Variants in DEAF1 observed in about 807,000 individuals in gnomAD.
DEAF1 encodes the protein DEAF1 transcription factor, also known as deformed epidermal autoregulatory factor 1 homolog.
DEAF1 carries 53 observed loss-of-function variants against 58.9 expected under a neutral mutation model. That is an observed-to-expected ratio of 0.90 (90% confidence interval 0.72 to 1.13). The LOEUF (loss-of-function observed/expected upper bound fraction) is 1.13. Ranked by LOEUF, DEAF1 falls within the 50% of genes most tolerant of loss-of-function variation. The pLI is 0.00. For missense variants in DEAF1, 685 were observed against 791.4 expected, an observed-to-expected ratio of 0.87 and a Z score of 1.61; for synonymous variants, 385 against 340.4, an observed-to-expected ratio of 1.13 and a Z score of -1.44.
chr11:696,591 C>G (rs1192200808), upstream of DEAF1, among the ~76,000 whole-genome samples: 1 of 151,826 alleles, frequency 6.6e-6, no homozygotes, highest in Non-Finnish European at 1.5e-5. Context: ...ATAGCAAGAC[C>G]CCCTCTATAA....
rs762149578 is a variant in DEAF1, at chr11:688,317, A to C, written c.517+14T>G. The stretch of plus-strand genomic sequence containing the variant: ...GTGTTTTGCCCGAGGCCTGGGGTGC[A>C]GGCACCGCTGTACCTGGGGTGAGGG... On this transcript the variant is annotated intron_variant, in intron 3 of 11. Coordinates refer to ENST00000382409, the MANE Select transcript of DEAF1 (RefSeq NM_021008.4). This position sits in a 1 kb window ranked among gnomAD's most constrained non-coding sequence, Gnocchi z 4.3. The C allele has an allele frequency of 6.2e-7, 1 of 1,612,304 alleles. No individual in the cohort carries two copies. The highest frequency in any genetic ancestry group is 2.2e-5 in the East Asian group (1 of 44,860).
At position 644,889 on chromosome 11, in the gene DEAF1, A is replaced by G. The variant is rs1564918645; in HGVS notation, c.1594-235T>C. ...TCAAAAGGCAAACAACAGGCAGGGC[A>G]CGGTGGCTCACGCCTGTAATCCCAA... On this transcript the variant is annotated intron_variant, in intron 11 of 11. Transcript: ENST00000382409. This position sits in a 1 kb window ranked among gnomAD's most constrained non-coding sequence, Gnocchi z 4.3. Among the ~76,000 whole-genome samples the G allele has an allele frequency of 6.6e-6, 1 of 152,204 alleles. No individual in the cohort carries two copies. The highest frequency in any genetic ancestry group is 1.5e-5 in the Non-Finnish European group (1 of 68,032).
At chr11:674,130 G>T (rs1339889288) in intron 10 of DEAF1, 2 of 297,560 alleles carry the variant, frequency 6.7e-6, no homozygotes, top group Admixed American at 4.6e-5. Context: ...TCGGCTCCCA[G>T]GAAGGGGCTC....
chr11:668,066 T>C (rs6598000), intron 10 of DEAF1, among the ~76,000 whole-genome samples: 35,707 of 151,614 alleles, frequency 0.24, 6,580 homozygotes, highest in African/African-American at 0.52. Context: ...GAGCGGAGAT[T>C]GTGCCACTGC....
chr11:647,466 C>A (rs528691424), intron 11 of DEAF1, among the ~76,000 whole-genome samples: 5 of 152,012 alleles, frequency 3.3e-5, no homozygotes, highest in African/African-American at 1.2e-4. Context: ...AAAACAGAAA[C>A]AAAACCAAAA....
At chr11:682,980 C>T (rs555466839) in intron 6 of DEAF1, among the ~76,000 whole-genome samples, 3 of 152,126 alleles carry the variant, frequency 2.0e-5, no homozygotes, top group Non-Finnish European at 4.4e-5. Context: ...CCATAGGGAG[C>T]TGGGGGCAGA....
Position 648,148 on chromosome 11 carries a change from T to C in DEAF1, c.1594-3494A>G, listed in dbSNP as rs115909063. On this transcript the variant is annotated intron_variant, in intron 11 of 11. Coordinates refer to ENST00000382409, the MANE Select transcript of DEAF1 (RefSeq NM_021008.4). Reference sequence around the variant, plus strand: ...ACATGCATAAACTCGTGTATACTTTTGTGTACATACCAAGTCCTCTACAAT... The same window carrying C: ...ACATGCATAAACTCGTGTATACTTTCGTGTACATACCAAGTCCTCTACAAT... Among the ~76,000 whole-genome samples the C allele has an allele frequency of 9.5e-3, 1,442 of 151,784 alleles. 15 individuals carry two copies. Among genetic ancestry groups the C allele is most frequent in the African/African-American group, 0.032 (1,320 of 41,276 alleles).
intron 7 of DEAF1, 82 bp downstream of exon 7, chr11:680,881 A>G: frequency 3.8e-6 from 6 of 1,582,050 alleles, no homozygotes; most frequent in East Asian, 4.5e-5. Context: ...AGAATCCCGC[A>G]GTGGCCGTGG....
In DEAF1 at chr11:694,099, G is replaced by A. The variant is rs547435217; in HGVS notation, c.289+660C>T. Among the ~76,000 whole-genome samples, 6 of 152,286 alleles carry A rather than the reference G, an allele frequency of 3.9e-5. No homozygotes were observed. The South Asian group carries it at 1.0e-3, about 26-fold the overall frequency. On this transcript the variant is annotated intron_variant, in intron 1 of 11. Transcript: ENST00000382409. The stretch of plus-strand genomic sequence containing the variant: ...AAGTGGGGGGTTCCTGGTGACCACA[G>A]GTGCCCACCCACCCCAGGGCTTCTC...
intron 10 of DEAF1, among the ~76,000 whole-genome samples, chr11:673,017 C>T (rs969889191): frequency 7.9e-5 from 12 of 151,982 alleles, no homozygotes; most frequent in African/African-American, 2.9e-4. Flanking sequence ...GGCATGGCAG[C>T]AGGCGCCTGT....
intron 10 of DEAF1, among the ~76,000 whole-genome samples, chr11:667,965 A>T (rs1414944377): frequency 6.6e-6 from 1 of 152,000 alleles, no homozygotes; most frequent in Non-Finnish European, 1.5e-5. Flanking sequence ...TACAAAAATT[A>T]GCTGGGTGTG....
intron 1 of DEAF1, among the ~76,000 whole-genome samples, chr11:702,286 G>A (rs148318240): frequency 2.6e-5 from 4 of 152,362 alleles, no homozygotes; most frequent in African/African-American, 9.6e-5. Flanking sequence ...CCCCCAGGGC[G>A]GGCACTGCTG....
chr11:700,825 G>T (rs376088748), intron 1 of DEAF1: 1 of 969,698 alleles, frequency 1.0e-6, no homozygotes, highest in Non-Finnish European at 1.7e-6. Context: ...TATCCAAACT[G>T]CTTACCCAGT....
chr11:700,105 A>C, upstream of DEAF1: 1 of 1,591,004 alleles, frequency 6.3e-7, no homozygotes, highest in African/African-American at 1.3e-5. Context: ...GCTGCTCCCA[A>C]GCCTGTTGAG....
At chr11:669,771 A>C (rs766959835) in intron 10 of DEAF1, among the ~76,000 whole-genome samples, 31 of 151,864 alleles carry the variant, frequency 2.0e-4, no homozygotes, top group Non-Finnish European at 3.1e-4. Flanking sequence ...CTCTACTTAA[A>C]ACACAAAAAT....
At chr11:656,794 C>CGCAG (rs1288468146) in intron 10 of DEAF1, among the ~76,000 whole-genome samples, 1 of 152,248 alleles carries the variant, frequency 6.6e-6, no homozygotes, top group Non-Finnish European at 1.5e-5. Context: ...CCTGTTGCCT[C>CGCAG]GCAGGCGCCT....
chr11:686,311 C>T (rs1329207904), intron 5 of DEAF1, among the ~76,000 whole-genome samples: 1 of 147,148 alleles, frequency 6.8e-6, no homozygotes, highest in East Asian at 2.0e-4. Flanking sequence ...AAAAAAAAAC[C>T]ACAAAAACAG....
intron 10 of DEAF1, among the ~76,000 whole-genome samples, chr11:668,430 T>G (rs757518228): frequency 6.6e-6 from 1 of 152,238 alleles, no homozygotes; most frequent in Non-Finnish European, 1.5e-5. Flanking sequence ...TTTGTTTTTT[T>G]GAGACAGGGT....
intron 10 of DEAF1, among the ~76,000 whole-genome samples, chr11:670,931 G>GTGTTTT (rs1859793793): frequency 1.1e-5 from 1 of 91,388 alleles, no homozygotes; most frequent in Non-Finnish European, 1.9e-5. Flanking sequence ...CCTGGCTAAT[G>GTGTTTT]TTTTTTTTTT....
Sources: allele counts gnomAD v4.1 joint callset (sites outside exome capture counted in the v4.1 genomes callset), GRCh38; gene constraint gnomAD v4.1.1; non-coding constraint Gnocchi (gnomAD v3.1); transcripts MANE v1.5; gene names NCBI Gene and HGNC (gene_info 2026-07-23, HGNC 2026-07-21).